Variants in MROH1 observed in about 807,000 individuals in gnomAD.
MROH1 encodes maestro heat-like repeat-containing protein family member 1.
In MROH1, 117 loss-of-function variants were observed where a neutral mutation model predicts 116.5. The observed-to-expected ratio is 1.00, with a 90% CI of 0.86 to 1.17. MROH1 has a LOEUF of 1.17. Ranked by LOEUF, MROH1 falls within the 50% of genes most tolerant of loss-of-function variation. MROH1 has a pLI of 0.00. For synonymous variants in MROH1, 921 were observed against 583.9 expected (o/e 1.58, Z -8.32); for missense variants, 1,873 against 1,338.5 (o/e 1.40, Z -6.23).
At chr8:144,233,194 C>G (rs1161371226) in intron 14 of MROH1, among the ~76,000 whole-genome samples, 1 of 151,950 alleles carries the variant, frequency 6.6e-6, no homozygotes, top group Non-Finnish European at 1.5e-5. Flanking sequence ...CTGTCTCAAC[C>G]CATTTTAAGT....
chr8:144,250,550 A>T, intron 33 of MROH1, 184 bp downstream of exon 33: 1 of 669,500 alleles, frequency 1.5e-6, no homozygotes, highest in Non-Finnish European at 2.7e-6. Flanking sequence ...ACCCACGGGG[A>T]CCTCTCCTCT....
intron 8 of MROH1, 56 bp downstream of exon 8, chr8:144,190,991 C>A: frequency 6.5e-7 from 1 of 1,545,728 alleles, no homozygotes; most frequent in Non-Finnish European, 8.8e-7. Flanking sequence ...CTCCTCCCCA[C>A]ATTCCCTGCC....
chr8:144,242,682 T>A (rs1377772265), intron 24 of MROH1, 54 bp downstream of exon 24: 3 of 760,678 alleles, frequency 3.9e-6, no homozygotes, highest in Non-Finnish European at 7.3e-6. Flanking sequence ...TCGGCTCTCC[T>A]CTGGGCGGGT....
intron 10 of MROH1, among the ~76,000 whole-genome samples, chr8:144,197,100 A>C (rs1830083817): frequency 6.6e-6 from 1 of 151,918 alleles, no homozygotes. Context: ...GTCTCAAAAA[A>C]CAACAACAAC....
intron 1 of MROH1, among the ~76,000 whole-genome samples, chr8:144,153,217 A>G (rs1817277786): frequency 6.7e-6 from 1 of 148,354 alleles, no homozygotes; most frequent in Non-Finnish European, 1.5e-5. Context: ...TTTTTTTGAG[A>G]TGGAGTTTCA....
chr8:144,254,603 C>T (rs956405530), intron 33 of MROH1: 2 of 576,534 alleles, frequency 3.5e-6, no homozygotes, highest in East Asian at 2.9e-5. Flanking sequence ...TCTCTGTGTC[C>T]TTTATTACCA....
At chr8:144,164,360 G>A (rs1248973897) in intron 3 of MROH1, among the ~76,000 whole-genome samples, 3 of 149,990 alleles carry the variant, frequency 2.0e-5, no homozygotes, top group Non-Finnish European at 4.4e-5. Context: ...AGCCGAGATC[G>A]TGCCACTGCA....
Position 144,261,215 on chromosome 8 carries a change from C to A in MROH1, c.4773C>A (p.Thr1591=), listed in dbSNP as rs975063862. 2.1e-5 allele frequency: 16 copies of A among 763,902 alleles called. No individual in the cohort carries two copies. The highest frequency in any genetic ancestry group is 3.4e-5 in the Non-Finnish European group (14 of 417,578). 47.3% of individuals were successfully genotyped at this position (763,902 alleles called of 1,614,324 possible). The change falls in exon 42 of 44, where the codon ACC becomes ACA. Residue 1591 remains threonine, a splice_region_variant and synonymous_variant. Coordinates refer to ENST00000326134, the MANE Select transcript of MROH1 (RefSeq NM_032450.3). ...ENVRAAAPLF[T]GFLVLHSEPR... ...TCCGAGCTGCTGCACCCCTGTTCAC[C>A]GGTAAGCACCACCCCCTGCCCCACC...
chr8:144,259,005 TG>T, intron 36 of MROH1, 91 bp downstream of exon 36: 1 of 646,696 alleles, frequency 1.5e-6, no homozygotes, highest in South Asian at 1.7e-5. Context: ...CGGGGGCCCA[TG>T]CGTGTCAGGC....
At chr8:144,153,123 C>T (rs1466151769) in intron 1 of MROH1, among the ~76,000 whole-genome samples, 1 of 152,104 alleles carries the variant, frequency 6.6e-6, no homozygotes, top group African/African-American at 2.4e-5. Flanking sequence ...ACGTGGTCGT[C>T]TTTCTGTTCC....
rs186911713 is a variant in MROH1 at position 144,162,003 on chromosome 8, C to A, written c.-57+914C>A. Among the ~76,000 whole-genome samples, 295 of 152,292 alleles carry A rather than the reference C, an allele frequency of 1.9e-3. 1 individual carries two copies. Among genetic ancestry groups the A allele is most frequent in the Middle Eastern group, 3.4e-3 (1 of 294 alleles). On this transcript the variant is annotated intron_variant, in intron 2 of 43. Transcript: ENST00000326134. ...CGCTTTCACAGGTTTTCTGCCCTGC[C>A]TGGGAGCCACTGCCCTCTTCAGCTC...
At chr8:144,219,269 G>A (rs150540330) in intron 12 of MROH1, among the ~76,000 whole-genome samples, 44 of 152,162 alleles carry the variant, frequency 2.9e-4, no homozygotes, top group African/African-American at 9.6e-4. Flanking sequence ...TGATCCGCCC[G>A]TCTCGGCCTC....
chr8:144,260,157 G>C, intron 38 of MROH1, 29 bp from the exon 39 acceptor site: 1 of 763,438 alleles, frequency 1.3e-6, no homozygotes. Context: ...GTGACTCTGG[G>C]ACCCAGGCTG....
chr8:144,178,170 G>A (rs191423635), intron 4 of MROH1, among the ~76,000 whole-genome samples: 5 of 61,984 alleles, frequency 8.1e-5, no homozygotes, highest in Non-Finnish European at 1.4e-4. Context: ...GTCTTGCTCC[G>A]TGGCCCAGGC....
chr8:144,244,372 G>T (rs1207752020), intron 27 of MROH1, 36 bp downstream of exon 27: 5 of 722,312 alleles, frequency 6.9e-6, no homozygotes, highest in African/African-American at 1.7e-5. Context: ...GTCCACATCC[G>T]TGAGAGTGGT....
chr8:144,191,894 C>A, intron 9 of MROH1, 39 bp downstream of exon 9: 1 of 1,610,450 alleles, frequency 6.2e-7, no homozygotes, highest in Non-Finnish European at 8.5e-7. Context: ...CCCCGAGGAC[C>A]CCTCCAATCA....
intron 7 of MROH1, among the ~76,000 whole-genome samples, chr8:144,186,201 AC>A (rs1827134483): frequency 6.7e-6 from 1 of 150,348 alleles, no homozygotes; most frequent in Admixed American, 6.6e-5. Context: ...GCTCACTGCA[AC>A]CTCTTGCCTC....
At chr8:144,220,558 C>G in intron 12 of MROH1, 42 bp from the exon 13 acceptor site, 1 of 1,539,616 alleles carries the variant, frequency 6.5e-7, no homozygotes, top group Non-Finnish European at 8.8e-7. Context: ...TTGAGGTCCT[C>G]ATCTCAGTGG....
intron 7 of MROH1, 25 bp from the exon 8 acceptor site, chr8:144,190,759 C>T (rs904274681): frequency 1.6e-5 from 26 of 1,608,000 alleles, no homozygotes; most frequent in Non-Finnish European, 2.2e-5. Flanking sequence ...GGCCTGCAGC[C>T]ACTTACCACT....
Sources: gnomAD v4.1 joint callset for allele counts (sites outside exome capture counted in the v4.1 genomes callset) on GRCh38, gnomAD v4.1.1 for gene constraint, MANE v1.5 for transcripts, NCBI Gene and HGNC (gene_info 2026-07-23, HGNC 2026-07-21) for gene names.